The following NLRP7 variants were observed in gnomAD, a reference collection of about 807,000 sequenced individuals.
NLRP7 encodes NLR family pyrin domain containing 7, also known as NACHT, LRR and PYD domains-containing protein 7.
NLRP7 carries 72 observed loss-of-function variants against 85.5 expected under a neutral mutation model. The ratio of observed to expected loss-of-function variants is 0.84; its 90% CI spans 0.70 to 1.02. NLRP7 has a LOEUF of 1.02. Among genes scored for constraint, NLRP7 ranks in the 50% least tolerant of loss-of-function variants. NLRP7 has a pLI of 0.00. For missense variants in NLRP7, 1,243 were observed against 1,219.5 expected, an observed-to-expected ratio of 1.02 and a Z score of -0.29; for synonymous variants, 550 against 505.2, an observed-to-expected ratio of 1.09 and a Z score of -1.19.
At chr19:54,924,911 C>T (rs576016321) in intron 9 of NLRP7, among the ~76,000 whole-genome samples, 11 of 152,148 alleles carry the variant, frequency 7.2e-5, no homozygotes, top group African/African-American at 2.2e-4. Flanking sequence ...TACTGCAGCC[C>T]GGGTGACAGA....
At chr19:54,947,738 G>A, upstream of NLRP7, 2 of 988,266 alleles carry the variant, frequency 2.0e-6, no homozygotes, top group South Asian at 2.7e-5. Context: ...CCCCAGGTGA[G>A]ATTAATGTGC....
upstream of NLRP7, among the ~76,000 whole-genome samples, chr19:54,950,948 G>A (rs144652474): frequency 2.2e-4 from 34 of 152,296 alleles, no homozygotes; most frequent in East Asian, 5.6e-3. Flanking sequence ...AGGTCCCTGC[G>A]GCCTTCCGCA....
chr19:54,953,589 G>A (rs1191861933), intron 1 of NLRP7, among the ~76,000 whole-genome samples: 1 of 149,100 alleles, frequency 6.7e-6, no homozygotes, highest in Non-Finnish European at 1.5e-5. Context: ...TCATTCCTGG[G>A]GCGCGGGGCT....
intron 1 of NLRP7, among the ~76,000 whole-genome samples, chr19:54,956,167 GGGAAGGAGGGAAA>G (rs2069846672): frequency 6.7e-6 from 1 of 150,364 alleles, no homozygotes; most frequent in Admixed American, 6.6e-5. Flanking sequence ...AAGGAGGGAA[GGGAAGGAGGGAAA>G]GGAAGTCAGT....
chr19:54,927,090 A>AAAGC (rs923224898), intron 9 of NLRP7, among the ~76,000 whole-genome samples: 2 of 140,454 alleles, frequency 1.4e-5, no homozygotes, highest in African/African-American at 5.4e-5. Flanking sequence ...TCCATCCCAA[A>AAAGC]AAGCAAAAAC....
chr19:54,929,392 T>C (rs189650683), intron 9 of NLRP7, among the ~76,000 whole-genome samples: 24 of 113,914 alleles, frequency 2.1e-4, no homozygotes, highest in African/African-American at 7.3e-4. Context: ...CCCTGTGTTC[T>C]AGTGTTTTTT....
chr19:54,929,438 G>GTGCAGATTCTCTTTGCATTAGGAT (rs1569539177), intron 9 of NLRP7, among the ~76,000 whole-genome samples: 3 of 152,110 alleles, frequency 2.0e-5, no homozygotes, highest in African/African-American at 7.2e-5. Flanking sequence ...TAGTAATGAC[G>GTGCAGATTCTCTTTGCATTAGGAT]TGCAGATTCT....
At chr19:54,945,341 G>A (rs117082007) in intron 1 of NLRP7, among the ~76,000 whole-genome samples, 2,001 of 147,868 alleles carry the variant, frequency 0.014, 14 homozygotes, top group Non-Finnish European at 0.021. Context: ...ATGGTGCGAG[G>A]CTTACCACAA....
At position 54,941,415 on chromosome 19, in the gene NLRP7, A is replaced by G. The variant is rs1426216408; in HGVS notation, c.277+20T>C. 1 of 1,314,338 alleles carries G rather than the reference A, an allele frequency of 7.6e-7. No homozygotes were observed. Among genetic ancestry groups the G allele is most frequent in the South Asian group, 1.2e-5 (1 of 85,170 alleles). 81.4% of individuals were successfully genotyped at this position (1,314,338 alleles called of 1,614,324 possible). A position where few individuals can be genotyped will look rare whatever the true frequency, so the allele number is the denominator to read the frequency against. ...AAAAAAAAAAAAAAAAATGACCAGG[A>G]CACCCCAGGTTCTACTTACCCATCA... On this transcript the variant is annotated intron_variant, in intron 2 of 9. Coordinates refer to ENST00000340844, the Ensembl canonical transcript of NLRP7.
intron 3 of NLRP7, 75 bp downstream of exon 3, chr19:54,940,856 A>G: frequency 1.0e-6 from 1 of 958,820 alleles, no homozygotes; most frequent in South Asian, 1.3e-5. Context: ...AGAAATGAAT[A>G]AAACCAGGAA....
chr19:54,940,336 C>G (rs1404674530), exon 4 of NLRP7: 1 of 1,614,140 alleles, frequency 6.2e-7, no homozygotes, highest in Non-Finnish European at 8.5e-7. Context: ...TTCTGGGATT[C>G]AAGAATGGAA....
chr19:54,934,361 C>T lies in NLRP7; in HGVS notation c.2471+128G>A, dbSNP rs909931187. 111 of 933,272 alleles carry T rather than the reference C, an allele frequency of 1.2e-4. 1 individual carries two copies. The highest frequency in any genetic ancestry group is 4.7e-4 in the South Asian group (36 of 76,804). The allele number at this position is 933,272 out of a possible 1,614,324, so 57.8% of individuals were successfully genotyped here. ...AGATTACAGGCAGGAGCCACCGTGC[C>T]GGGCCTGAAGCAGGTGTTTATTTCA... On this transcript the variant is annotated intron_variant, in intron 7 of 9. Transcript: ENST00000340844. This position sits in a 1 kb window ranked among gnomAD's most constrained non-coding sequence, Gnocchi z 6.7.
intron 9 of NLRP7, among the ~76,000 whole-genome samples, chr19:54,927,399 A>G (rs1433005637): frequency 6.6e-6 from 1 of 151,826 alleles, no homozygotes; most frequent in East Asian, 1.9e-4. Context: ...AAAAAAGAAA[A>G]AGAAAAAAAT....
intron 1 of NLRP7, among the ~76,000 whole-genome samples, chr19:54,945,086 A>C (rs1293281694): frequency 2.6e-5 from 4 of 151,520 alleles, no homozygotes; most frequent in African/African-American, 4.8e-5. Context: ...AAAAATACAA[A>C]AAAAAAATTA....
upstream of NLRP7, among the ~76,000 whole-genome samples, chr19:54,952,315 G>T (rs115091675): frequency 7.5e-3 from 1,143 of 152,034 alleles, 7 homozygotes; most frequent in African/African-American, 0.025. Context: ...AGCCCCGGCC[G>T]GGTGCAGAGG....
chr19:54,924,516 C>T (rs1227574166), intron 9 of NLRP7, among the ~76,000 whole-genome samples: 1 of 152,048 alleles, frequency 6.6e-6, no homozygotes, highest in Non-Finnish European at 1.5e-5. Flanking sequence ...CCCAGCTACT[C>T]GGGAGGCGGA....
At chr19:54,926,916 TAAAAAAAAAAA>T (rs74177884) in intron 9 of NLRP7, among the ~76,000 whole-genome samples, 15 of 26,612 alleles carry the variant, frequency 5.6e-4, no homozygotes, top group Non-Finnish European at 5.8e-4. Flanking sequence ...ACTCTGTCTT[TAAAAAAAAAAA>T]AAAAAAAAAA....
At chr19:54,952,593 C>CAA (rs766921015) in intron 1 of NLRP7, among the ~76,000 whole-genome samples, 1 of 125,594 alleles carries the variant, frequency 8.0e-6, no homozygotes, top group Non-Finnish European at 1.7e-5. Context: ...AACTCCATCT[C>CAA]AAAAAAAAAA....
At chr19:54,935,446 A>G (rs1463511375) in intron 6 of NLRP7, among the ~76,000 whole-genome samples, 5 of 152,142 alleles carry the variant, frequency 3.3e-5, no homozygotes. Flanking sequence ...CTGTAATCCT[A>G]GCACTTTGGG....
Sources: allele counts gnomAD v4.1 joint callset (sites outside exome capture counted in the v4.1 genomes callset), GRCh38; gene constraint gnomAD v4.1.1; non-coding constraint Gnocchi (gnomAD v3.1); transcripts MANE v1.5; gene names NCBI Gene and HGNC (gene_info 2026-07-23, HGNC 2026-07-21).